Variants in IL4I1 observed in about 807,000 individuals in gnomAD.
IL4I1 encodes the protein L-amino-acid oxidase.
Under a neutral mutation model 29.7 loss-of-function variants are expected in IL4I1, and 24 were observed. The observed-to-expected ratio is 0.81, with a 90% CI of 0.59 to 1.14. IL4I1 has a LOEUF of 1.14. IL4I1 is among the 50% of genes most tolerant of loss of function. IL4I1 has a pLI of 0.00. For missense variants in IL4I1, 686 were observed against 785.6 expected (o/e 0.87, Z 1.52); for synonymous variants, 371 against 352.5 (o/e 1.05, Z -0.59).
In IL4I1 at chr19:49,890,389, G is replaced by C. The variant is rs1451544344; in HGVS notation, c.985C>G (p.Arg329Gly). The change falls in exon 8 of 8, where the codon CGC becomes GGC. Residue 329 changes from arginine to glycine, a missense_variant. Arg to Gly is a moderately radical substitution (Grantham distance 125). Transcript: ENST00000391826. Reference sequence around the variant, plus strand: ...GGCAGCGGCGGCGAGAAGGTGATGCGCTTCACCGCCGGTCCGCTCGCCGTC... The same window carrying C: ...GGCAGCGGCGGCGAGAAGGTGATGCCCTTCACCGCCGGTCCGCTCGCCGTC... Reference protein sequence around the residue: ...LLTASGPAVKRITFSPPLPRH... With the variant: ...LLTASGPAVKGITFSPPLPRH... 2.5e-6 allele frequency: 4 copies of C among 1,604,288 alleles called. No homozygotes were observed. Among genetic ancestry groups the C allele is most frequent in the African/African-American group, 1.3e-5 (1 of 74,952 alleles).
At chr19:49,899,991 T>G (rs146561807), upstream of IL4I1, among the ~76,000 whole-genome samples, 32 of 152,196 alleles carry the variant, frequency 2.1e-4, no homozygotes, top group East Asian at 5.2e-3. Context: ...CACACCACCA[T>G]GCACAGCTAA....
chr19:49,909,298 A>G (rs773414808), intron 2 of IL4I1: 1 of 1,613,556 alleles, frequency 6.2e-7, no homozygotes, highest in African/African-American at 1.3e-5. Flanking sequence ...CAATGTTGAA[A>G]CCGGAGGGTT....
chr19:49,889,737 CCTT>C lies in IL4I1; in HGVS notation c.1634_1636del (p.Glu545del). 6.6e-7 allele frequency: 1 copy of C among 1,516,950 alleles called. No homozygotes were observed. The highest frequency in any genetic ancestry group is 1.3e-5 in the South Asian group (1 of 75,564). The allele number at this position is 1,516,950 out of a possible 1,614,324, so 94.0% of individuals were successfully genotyped here. A position where few individuals can be genotyped will look rare whatever the true frequency, so the allele number is the denominator to read the frequency against. On this transcript the variant is annotated inframe_deletion, in exon 8 of 8. Coordinates refer to ENST00000391826, the MANE Select transcript of IL4I1 (RefSeq NM_152899.2). ...CTGGCCTTGGACTGGAGGGTGGCTG[CCTT>C]CTTCCTTTGCCAGGTCATGCGAGGG...
Position 49,890,275 on chromosome 19 carries a change from C to G in IL4I1, c.1099G>C (p.Glu367Gln). ...LSFRRPFWRE[E>Q]HIEGGHSNTD... Reference sequence around the variant, plus strand: ...TTTGAGTGGCCGCCTTCAATGTGCTCCTCGCGCCAGAAGGGCCTGCGGAAG... The same window carrying G: ...TTTGAGTGGCCGCCTTCAATGTGCTGCTCGCGCCAGAAGGGCCTGCGGAAG... The change falls in exon 8 of 8, where the codon GAG becomes CAG. Residue 367 changes from glutamate (E) to glutamine (Q), a missense_variant. Transcript: ENST00000391826. 3 of 1,592,252 alleles carry G rather than the reference C, an allele frequency of 1.9e-6. No homozygotes were observed. The highest frequency in any genetic ancestry group is 2.6e-6 in the Non-Finnish European group (3 of 1,170,236).
chr19:49,919,188 G>A (rs1439302206), intron 2 of IL4I1, among the ~76,000 whole-genome samples: 1 of 152,166 alleles, frequency 6.6e-6, no homozygotes, highest in African/African-American at 2.4e-5. Flanking sequence ...TGAATAGGTA[G>A]TATGTTCACA....
At chr19:49,892,410 C>T (rs1379245682) in intron 5 of IL4I1, among the ~76,000 whole-genome samples, 3 of 152,148 alleles carry the variant, frequency 2.0e-5, no homozygotes, top group Non-Finnish European at 2.9e-5. Context: ...CTGGGGAAGG[C>T]CTCATGGTCA....
chr19:49,923,857 G>A (rs1190135121), intron 2 of IL4I1, among the ~76,000 whole-genome samples: 2 of 152,220 alleles, frequency 1.3e-5, no homozygotes, highest in African/African-American at 2.4e-5. Flanking sequence ...TCTGACCCAC[G>A]CTGCGGAAGG....
upstream of IL4I1, among the ~76,000 whole-genome samples, chr19:49,899,718 G>A (rs1568689946): frequency 6.6e-6 from 1 of 152,060 alleles, no homozygotes; most frequent in East Asian, 1.9e-4. Context: ...CACCACGTCC[G>A]GCTAATTTTT....
At chr19:49,899,092 A>T (rs1226281285), upstream of IL4I1, among the ~76,000 whole-genome samples, 1 of 152,182 alleles carries the variant, frequency 6.6e-6, no homozygotes, top group Non-Finnish European at 1.5e-5. Context: ...CCTGGGTCCC[A>T]CAGTGGGGAA....
chr19:49,906,642 T>G (rs940187617), intron 2 of IL4I1, among the ~76,000 whole-genome samples: 2 of 152,220 alleles, frequency 1.3e-5, no homozygotes, highest in Non-Finnish European at 2.9e-5. Context: ...GATTTGCATT[T>G]GTCTATTACT....
Position 49,895,239 on chromosome 19 carries a change from C to T in IL4I1, c.253-59G>A. ...AGCTCCACCCACTGACCATCCCCTG[C>T]CCTCTACCACCCCGTGCCAGCCCCC... On this transcript the variant is annotated intron_variant, in intron 3 of 7. Coordinates refer to ENST00000391826, the MANE Select transcript of IL4I1 (RefSeq NM_152899.2). 7.3e-6 allele frequency: 10 copies of T among 1,361,700 alleles called. No individual in the cohort carries two copies. The South Asian group carries it at 1.2e-4, about 16-fold the overall frequency. 84.4% of individuals were successfully genotyped at this position (1,361,700 alleles called of 1,614,324 possible).
Position 49,890,188 on chromosome 19 carries a change from C to CCAG in IL4I1, c.1183_1185dup (p.Leu395dup), listed in dbSNP as rs755959557. 6.5e-7 allele frequency: 1 copy of CCAG among 1,543,498 alleles called. No homozygotes were observed. Among genetic ancestry groups the CCAG allele is most frequent in the African/African-American group, 1.4e-5 (1 of 72,916 alleles). On this transcript the variant is annotated inframe_insertion, in exon 8 of 8. Coordinates refer to ENST00000391826, the MANE Select transcript of IL4I1 (RefSeq NM_152899.2). ...GCCGCGTCCGACCACGTGTACGAGG[C>CCAG]CAGCAGCAGCGCGCCCTCGCGCGGC...
chr19:49,909,825 G>GA (rs1568702535), intron 2 of IL4I1: 1 of 1,613,272 alleles, frequency 6.2e-7, no homozygotes, highest in East Asian at 2.2e-5. Flanking sequence ...GACTCTGGTG[G>GA]CGGCAGCTAC....
chr19:49,926,208 CA>C (rs33981121), intron 2 of IL4I1, among the ~76,000 whole-genome samples: 1,215 of 42,470 alleles, frequency 0.029, 3 homozygotes, highest in South Asian at 0.14. Context: ...GACTCTGTCT[CA>C]AAAAAAAAAA....
upstream of IL4I1, among the ~76,000 whole-genome samples, chr19:49,897,538 C>T (rs1600476140): frequency 2.0e-5 from 3 of 152,324 alleles, no homozygotes; most frequent in South Asian, 6.2e-4. Flanking sequence ...GTTCTGTGGC[C>T]GGAACCTGGG....
At chr19:49,907,782 C>T (rs1158620706) in intron 2 of IL4I1, 13 of 331,548 alleles carry the variant, frequency 3.9e-5, no homozygotes, top group Non-Finnish European at 5.8e-5. Flanking sequence ...GTCATCTGCC[C>T]GCCTTGGCCA....
rs1431490287 is a variant in IL4I1, at chr19:49,904,903, GGTTTCACC to G, written c.-227-590_-227-583del. On this transcript the variant is annotated intron_variant, in intron 2 of 9. Coordinates refer to the IL4I1 transcript ENST00000341114. ...TTTTTTATATTTTTAGTAGAGACAG[GGTTTCACC>G]GTGTTAGCCAGGATGGTCTCGATCT... Among the ~76,000 whole-genome samples, 12 of 152,232 alleles carry G rather than the reference GGTTTCACC, an allele frequency of 7.9e-5. No homozygotes were observed. In the East Asian group the frequency reaches 2.3e-3, roughly 29 times the overall value.
At chr19:49,909,758 G>A (rs753335519) in intron 2 of IL4I1, 7 of 1,613,986 alleles carry the variant, frequency 4.3e-6, no homozygotes, top group East Asian at 2.2e-5. Context: ...AGTGCCAAAC[G>A]TGAACCCGCC....
upstream of IL4I1, among the ~76,000 whole-genome samples, chr19:49,899,472 C>A (rs2075250824): frequency 1.3e-5 from 2 of 152,104 alleles, 1 homozygote; most frequent in South Asian, 4.2e-4. Flanking sequence ...GCAGCCTCAA[C>A]CTCCCGGGCT....
Sources: allele counts gnomAD v4.1 joint callset (sites outside exome capture counted in the v4.1 genomes callset), GRCh38; gene constraint gnomAD v4.1.1; transcripts MANE v1.5; gene names NCBI Gene and HGNC (gene_info 2026-07-23, HGNC 2026-07-21).